Variants in S100A8 observed in about 807,000 individuals in gnomAD.
S100A8 encodes the protein S100 calcium binding protein A8, also known as protein S100-A8.
S100A8 carries 1 observed loss-of-function variant against 4.2 expected under a neutral mutation model. That is an observed-to-expected ratio of 0.24 (90% CI 0.08 to 1.12). S100A8 has a LOEUF of 1.12. Ranked by LOEUF, S100A8 falls within the 50% of genes most tolerant of loss-of-function variation. The probability of loss-of-function intolerance (pLI) is 0.53; values close to 1 mark genes in which losing one functional copy is unlikely to be tolerated. For missense variants in S100A8, 96 were observed against 111.8 expected (o/e 0.86, Z 0.64); for synonymous variants, 41 against 44.7 (o/e 0.92, Z 0.33).
chr1:153,391,003 G>A (rs1662082647), intron 1 of S100A8, 38 bp downstream of exon 1: 7 of 989,828 alleles, frequency 7.1e-6, no homozygotes, highest in Non-Finnish European at 8.4e-6. Context: ...CCCAAGAGAA[G>A]CCCAAAGTGC....
At chr1:153,396,590 T>A in the S100A8 span, 1 of 152,410 alleles carries the variant, frequency 6.6e-6, no homozygotes, top group Admixed American at 6.5e-5. Flanking sequence ...CTGAGCTCCC[T>A]CTAGTAGAGG....
chr1:153,418,149 C>T, the S100A8 span: 34 of 1,613,920 alleles, frequency 2.1e-5, no homozygotes, highest in East Asian at 2.9e-4. Context: ...ATACACCGGA[C>T]GTGATGGCAA....
At chr1:153,419,511 T>A in the S100A8 span, 1 of 622,958 alleles carries the variant, frequency 1.6e-6, no homozygotes, top group Admixed American at 3.0e-5. Context: ...GTTCCCCCTA[T>A]GGCCTCCAGC....
At chr1:153,405,633 A>G in the S100A8 span, among the ~76,000 whole-genome samples, 1 of 152,234 alleles carries the variant, frequency 6.6e-6, no homozygotes, top group African/African-American at 2.4e-5. Flanking sequence ...CGAGCTAGCC[A>G]TACTGCCCAG....
intron 1 of S100A8, 160 bp from the exon 2 acceptor site, chr1:153,390,717 G>T: frequency 1.2e-6 from 1 of 855,326 alleles, no homozygotes; most frequent in Non-Finnish European, 1.8e-6. Context: ...GGAAGGGTGG[G>T]ATGATAGGGA....
the S100A8 span, among the ~76,000 whole-genome samples, chr1:153,406,817 G>A: frequency 5.3e-5 from 8 of 152,252 alleles, no homozygotes; most frequent in African/African-American, 1.9e-4. Flanking sequence ...GGATGGGGTG[G>A]GTTTATGGAG....
At chr1:153,390,653 T>TCCAAATAACCAAA in intron 1 of S100A8, 96 bp from the exon 2 acceptor site, 1 of 1,480,622 alleles carries the variant, frequency 6.8e-7, no homozygotes, top group Non-Finnish European at 9.2e-7. Context: ...GATGGCCTTG[T>TCCAAATAACCAAA]CCTGGCCTGC....
upstream of S100A8, among the ~76,000 whole-genome samples, chr1:153,393,408 C>A (rs1008600443): frequency 1.3e-5 from 2 of 152,194 alleles, no homozygotes; most frequent in African/African-American, 4.8e-5. Context: ...CTTTTCACAA[C>A]CCTAGGGCCT....
At chr1:153,393,885 T>A (rs12042217), upstream of S100A8, among the ~76,000 whole-genome samples, 22,904 of 152,198 alleles carry the variant, frequency 0.15, 2,036 homozygotes, top group African/African-American at 0.25. Context: ...GTCCTTCCCC[T>A]GGTCCAGTGA....
At chr1:153,417,003 AGTC>A in the S100A8 span, among the ~76,000 whole-genome samples, 7 of 152,184 alleles carry the variant, frequency 4.6e-5, no homozygotes, top group African/African-American at 1.7e-4. Flanking sequence ...GTAAATTCTC[AGTC>A]AATCTCTGGG....
chr1:153,416,608 C>A, the S100A8 span: 1 of 444,806 alleles, frequency 2.2e-6, no homozygotes, highest in Non-Finnish European at 4.5e-6. Flanking sequence ...GTGCCCAGTG[C>A]CCAGCCTGCC....
chr1:153,410,465 T>C, the S100A8 span, among the ~76,000 whole-genome samples: 24,598 of 151,834 alleles, frequency 0.16, 2,466 homozygotes, highest in African/African-American at 0.29. Context: ...CAATAACAGG[T>C]TCTGAAATTG....
chr1:153,416,221 T>C, the S100A8 span, among the ~76,000 whole-genome samples: 3 of 152,122 alleles, frequency 2.0e-5, no homozygotes, highest in African/African-American at 7.2e-5. Context: ...TCTCTTTGGG[T>C]CCAGAGGCCC....
the S100A8 span, among the ~76,000 whole-genome samples, chr1:153,405,367 G>A: frequency 3.2e-3 from 481 of 150,052 alleles, no homozygotes; most frequent in African/African-American, 0.011. Context: ...CATTTTGTAA[G>A]CCCCCTGCCA....
chr1:153,420,544 A>G, the S100A8 span: 1 of 152,130 alleles, frequency 6.6e-6, no homozygotes. Flanking sequence ...AAGATGGGCT[A>G]TTTGTTCTTT....
At chr1:153,392,313 T>C (rs1207018240), upstream of S100A8, among the ~76,000 whole-genome samples, 1 of 152,216 alleles carries the variant, frequency 6.6e-6, no homozygotes, top group East Asian at 1.9e-4. Flanking sequence ...GGATGACTAC[T>C]ACTTCTTTTA....
At chr1:153,394,982 G>T (rs546560716), upstream of S100A8, among the ~76,000 whole-genome samples, 3 of 152,146 alleles carry the variant, frequency 2.0e-5, no homozygotes, top group Non-Finnish European at 4.4e-5. Context: ...GTGGGCTCTG[G>T]CATTTCCTGA....
At chr1:153,413,710 G>C in the S100A8 span, among the ~76,000 whole-genome samples, 3 of 152,062 alleles carry the variant, frequency 2.0e-5, no homozygotes, top group Non-Finnish European at 2.9e-5. Context: ...AGACCAGCCC[G>C]GCCAACATGA....
At chr1:153,419,080 C>G in the S100A8 span, 1 of 1,535,434 alleles carries the variant, frequency 6.5e-7, no homozygotes, top group Non-Finnish European at 8.9e-7. Flanking sequence ...CTCCTCCTCT[C>G]CCCTCCCAGC....
Sources: gnomAD v4.1 joint callset for allele counts (sites outside exome capture counted in the v4.1 genomes callset) on GRCh38, gnomAD v4.1.1 for gene constraint, MANE v1.5 for transcripts, NCBI Gene and HGNC (gene_info 2026-07-23, HGNC 2026-07-21) for gene names.